Variants in RAB38 observed in about 807,000 individuals in gnomAD.
RAB38 encodes ras-related protein Rab-38.
A neutral mutation model predicts 18.4 loss-of-function variants in RAB38; 15 were observed. That is an observed-to-expected ratio of 0.82 (90% confidence interval 0.55 to 1.26). RAB38 has a LOEUF of 1.26. Ranked by LOEUF, RAB38 falls within the 50% of genes most tolerant of loss-of-function variation. The probability of loss-of-function intolerance (pLI) is 0.00; values close to 1 mark genes in which losing one functional copy is unlikely to be tolerated. For synonymous variants in RAB38, 101 were observed against 104.4 expected, an observed-to-expected ratio of 0.97 and a Z score of 0.20; for missense variants, 294 against 267.4, an observed-to-expected ratio of 1.10 and a Z score of -0.69.
In RAB38 at chr11:88,149,931, G is replaced by A. The variant is rs760114172; in HGVS notation, c.227C>T (p.Thr76Met). 18 of 1,611,092 alleles carry A rather than the reference G, an allele frequency of 1.1e-5. No homozygotes were observed. Among genetic ancestry groups the A allele is most frequent in the East Asian group, 6.7e-5 (3 of 44,796 alleles). The change falls in exon 2 of 3, where the codon ACG becomes ATG. Residue 76 changes from threonine (T) to methionine (M), a missense_variant. By Grantham distance (81) the Thr-to-Met change is moderately conservative (BLOSUM62 -1). Transcript: ENST00000243662. ...CATAGCTTCTCGGTAATAGACCCTC[G>A]TCATGTTTCCAAATCTTTCTTGACC... ...IAGQERFGNM[T>M]RVYYREAMGA...
chr11:88,126,132 T>C (rs186540395), intron 2 of RAB38, among the ~76,000 whole-genome samples: 3 of 152,336 alleles, frequency 2.0e-5, no homozygotes, highest in Admixed American at 1.3e-4. Flanking sequence ...TGTAGCATAG[T>C]TTGAAGTCAG....
chr11:87,916,955 C>A, the RAB38 span, among the ~76,000 whole-genome samples: 116 of 152,186 alleles, frequency 7.6e-4, no homozygotes, highest in African/African-American at 2.7e-3. Flanking sequence ...GGATTACTTA[C>A]AAATCCCAGA....
chr11:88,154,928 C>T (rs1943106930), intron 1 of RAB38, among the ~76,000 whole-genome samples: 1 of 152,232 alleles, frequency 6.6e-6, no homozygotes, highest in Non-Finnish European at 1.5e-5. Flanking sequence ...GCAGCCTGAG[C>T]CATCCCACCC....
the RAB38 span, among the ~76,000 whole-genome samples, chr11:87,941,513 C>G: frequency 6.6e-6 from 1 of 151,916 alleles, no homozygotes; most frequent in South Asian, 2.1e-4. Flanking sequence ...AATTACCCCT[C>G]TACTTGATTC....
the RAB38 span, among the ~76,000 whole-genome samples, chr11:87,906,934 T>C: frequency 3.9e-5 from 6 of 151,978 alleles, no homozygotes; most frequent in African/African-American, 1.4e-4. Context: ...CAAAATTTGT[T>C]ATGTTTATTG....
the RAB38 span, among the ~76,000 whole-genome samples, chr11:88,036,497 A>T: frequency 6.6e-6 from 1 of 152,152 alleles, no homozygotes; most frequent in Non-Finnish European, 1.5e-5. Flanking sequence ...CTACAGTACA[A>T]AAACCAGTGT....
chr11:88,124,550 G>GTCC (rs1942669351), intron 2 of RAB38, among the ~76,000 whole-genome samples: 1 of 152,118 alleles, frequency 6.6e-6, no homozygotes, highest in South Asian at 2.1e-4. Context: ...ACATCAGAGA[G>GTCC]ATACTAGCTA....
At chr11:88,044,970 C>A in the RAB38 span, among the ~76,000 whole-genome samples, 5 of 152,302 alleles carry the variant, frequency 3.3e-5, no homozygotes, top group East Asian at 9.6e-4. Context: ...ACCTGCCCAG[C>A]AATTTCCTCT....
At chr11:87,937,393 G>T in the RAB38 span, among the ~76,000 whole-genome samples, 1 of 137,540 alleles carries the variant, frequency 7.3e-6, no homozygotes, top group Non-Finnish European at 1.5e-5. Flanking sequence ...ATATTATGAG[G>T]ATATTGGTTT....
chr11:87,855,443 T>A, the RAB38 span, among the ~76,000 whole-genome samples: 1 of 152,174 alleles, frequency 6.6e-6, no homozygotes, highest in Non-Finnish European at 1.5e-5. Flanking sequence ...ACAGTGGCGA[T>A]GTAAGAATTA....
At chr11:88,057,375 T>C in the RAB38 span, among the ~76,000 whole-genome samples, 2 of 151,968 alleles carry the variant, frequency 1.3e-5, no homozygotes, top group Non-Finnish European at 2.9e-5. Flanking sequence ...CAAGCAGATC[T>C]AGGTTGAAAT....
intron 2 of RAB38, among the ~76,000 whole-genome samples, chr11:88,139,238 C>T (rs1007342581): frequency 1.3e-5 from 2 of 152,096 alleles, no homozygotes; most frequent in Non-Finnish European, 2.9e-5. Context: ...ATGAAATACC[C>T]AGGAGTTCCT....
the RAB38 span, among the ~76,000 whole-genome samples, chr11:87,940,166 C>CAAAAAAAA: frequency 7.8e-6 from 1 of 127,456 alleles, no homozygotes; most frequent in African/African-American, 3.0e-5. Flanking sequence ...CCAGATAATA[C>CAAAAAAAA]AAAAAAAAAA....
chr11:88,139,591 T>C (rs1296912720), intron 2 of RAB38, among the ~76,000 whole-genome samples: 1 of 152,216 alleles, frequency 6.6e-6, no homozygotes, highest in African/African-American at 2.4e-5. Context: ...ATTCAGAGAA[T>C]ACTTGGAGAA....
chr11:87,872,365 C>T, the RAB38 span, among the ~76,000 whole-genome samples: 3 of 151,482 alleles, frequency 2.0e-5, no homozygotes, highest in East Asian at 2.0e-4. Context: ...TATGCTTTCT[C>T]GTCTCACATA....
chr11:87,812,115 A>C, the RAB38 span, among the ~76,000 whole-genome samples: 5 of 152,214 alleles, frequency 3.3e-5, no homozygotes, highest in Admixed American at 6.5e-5. Context: ...AGCAGAGAAA[A>C]ACTCAACATT....
the RAB38 span, among the ~76,000 whole-genome samples, chr11:87,940,166 CAA>C: frequency 5.6e-3 from 717 of 127,416 alleles, 7 homozygotes; most frequent in African/African-American, 0.02. Flanking sequence ...CCAGATAATA[CAA>C]AAAAAAAAAA....
At chr11:88,033,241 G>A in the RAB38 span, among the ~76,000 whole-genome samples, 5 of 151,964 alleles carry the variant, frequency 3.3e-5, no homozygotes, top group East Asian at 9.6e-4. Context: ...GTGGGAGGAG[G>A]GGGGAGGGAT....
chr11:88,168,196 A>T lies in RAB38; in HGVS notation c.202+6987T>A, dbSNP rs114558434. Among the ~76,000 whole-genome samples, 856 of 152,256 alleles carry T rather than the reference A, an allele frequency of 5.6e-3. 5 individuals carry two copies. Among genetic ancestry groups the T allele is most frequent in the African/African-American group, 0.02 (815 of 41,532 alleles). ...CATCTATGAAACTGGAAGTAAGAAGACCTATTTGTTAGAATTACTGTGGTA... is the reference window on the plus strand; with the variant it reads ...CATCTATGAAACTGGAAGTAAGAAGTCCTATTTGTTAGAATTACTGTGGTA... On this transcript the variant is annotated intron_variant, in intron 1 of 2. Coordinates refer to ENST00000243662, the MANE Select transcript of RAB38 (RefSeq NM_022337.3).
Sources: allele counts gnomAD v4.1 joint callset (sites outside exome capture counted in the v4.1 genomes callset), GRCh38; gene constraint gnomAD v4.1.1; transcripts MANE v1.5; gene names NCBI Gene and HGNC (gene_info 2026-07-23, HGNC 2026-07-21).